MRPS6: variants seen among roughly 807,000 people sequenced by gnomAD.
MRPS6 encodes mitochondrial ribosomal protein S6.
A neutral mutation model predicts 13.1 loss-of-function variants in MRPS6; 6 were observed. The observed-to-expected ratio is 0.46, with a 90% CI of 0.25 to 0.91. MRPS6 has a LOEUF of 0.91. MRPS6 is among the 40% of genes least tolerant of loss of function. The pLI is 0.18. For synonymous variants in MRPS6, 61 were observed against 56.5 expected (o/e 1.08, Z -0.36); for missense variants, 164 against 155.6 (o/e 1.05, Z -0.29).
Position 34,096,672 on chromosome 21 carries a change from C to T in MRPS6, c.45+22927C>T, listed in dbSNP as rs757122598. ...CCGTTTGATACTGGCCTTTGCCTAC[C>T]GTGCCCCAGAATGTGACCAACCTGA... On this transcript the variant is annotated intron_variant, in intron 1 of 2. Coordinates refer to ENST00000399312, the MANE Select transcript of MRPS6 (RefSeq NM_032476.4). This position sits in a 1 kb window ranked among gnomAD's most constrained non-coding sequence, Gnocchi z 5.9. The T allele has an allele frequency of 6.8e-6, 11 of 1,613,962 alleles. No homozygotes were observed. The highest frequency in any genetic ancestry group is 3.3e-5 in the South Asian group (3 of 91,090).
intron 1 of MRPS6, chr21:34,097,324 G>C: frequency 6.2e-7 from 1 of 1,607,328 alleles, no homozygotes; most frequent in Non-Finnish European, 8.5e-7. Flanking sequence ...TGTTCACTTG[G>C]AATTTTCATG....
chr21:34,076,143 G>A (rs965137384), intron 1 of MRPS6, among the ~76,000 whole-genome samples: 4 of 152,172 alleles, frequency 2.6e-5, no homozygotes, highest in Non-Finnish European at 5.9e-5. Context: ...TTTAACAGCG[G>A]ATATGGAAGT....
At chr21:34,100,978 TC>T in intron 1 of MRPS6, 1 of 1,000,210 alleles carries the variant, frequency 1.0e-6, no homozygotes, top group Non-Finnish European at 1.2e-6. Flanking sequence ...CTCATTTTCA[TC>T]AGAGGCATGA....
rs757279687 is a variant in MRPS6 at position 34,125,380 on chromosome 21, C to G, written c.85C>G (p.Leu29Val). ...AATLKRTIEA[L>V]MDRGAIVRDL... ...TACTTTGAAACGTACGATAGAGGCC[C>G]TGATGGACAGAGGAGCAATAGTGAG... Residue 29 changes from leucine to valine, a missense_variant, in exon 2 of 3, where the codon CTG becomes GTG. Coordinates refer to ENST00000399312, the MANE Select transcript of MRPS6 (RefSeq NM_032476.4). The G allele has an allele frequency of 6.2e-7, 1 of 1,613,990 alleles. No homozygotes were observed. Among genetic ancestry groups the G allele is most frequent in the South Asian group, 1.1e-5 (1 of 91,078 alleles).
chr21:34,118,977 G>A (rs971159640), intron 1 of MRPS6, among the ~76,000 whole-genome samples: 23 of 152,250 alleles, frequency 1.5e-4, no homozygotes, highest in Non-Finnish European at 2.8e-4. Flanking sequence ...GGCCTGTAGA[G>A]GTAAGTAATC....
chr21:34,097,204 T>A, intron 1 of MRPS6: 1 of 1,614,068 alleles, frequency 6.2e-7, no homozygotes, highest in African/African-American at 1.3e-5. Context: ...AGTAAGAGCC[T>A]CAGCAAGAGG....
chr21:34,135,128 G>C (rs1408431543), intron 2 of MRPS6, among the ~76,000 whole-genome samples: 1 of 151,996 alleles, frequency 6.6e-6, no homozygotes, highest in African/African-American at 2.4e-5. Flanking sequence ...CCTTTTCATT[G>C]CTGAGTAGTA....
At chr21:34,093,161 TG>T (rs756769091) in intron 1 of MRPS6, among the ~76,000 whole-genome samples, 1 of 151,736 alleles carries the variant, frequency 6.6e-6, no homozygotes, top group Non-Finnish European at 1.5e-5. Flanking sequence ...CTTTTGGGGG[TG>T]GGGAAGGTGG....
chr21:34,102,635 T>C (rs1979298373), intron 1 of MRPS6: 2 of 1,000,086 alleles, frequency 2.0e-6, no homozygotes, highest in Non-Finnish European at 2.4e-6. Flanking sequence ...CTCTTAAATT[T>C]GGTTACCTGG....
intron 1 of MRPS6, chr21:34,103,233 T>C (rs1979325337): frequency 2.0e-6 from 2 of 999,822 alleles, no homozygotes; most frequent in Admixed American, 1.2e-4. Context: ...GTATTGACTC[T>C]GCTAGTTTGC....
chr21:34,111,810 CTCTT>C (rs1334110475), intron 1 of MRPS6, among the ~76,000 whole-genome samples: 1 of 150,870 alleles, frequency 6.6e-6, no homozygotes, highest in Non-Finnish European at 1.5e-5. Context: ...GTTTCTGACT[CTCTT>C]TCCAGCTTTC....
intron 2 of MRPS6, among the ~76,000 whole-genome samples, chr21:34,134,091 T>G (rs977278171): frequency 6.6e-6 from 1 of 152,206 alleles, no homozygotes; most frequent in African/African-American, 2.4e-5. Flanking sequence ...TTGAGGTTGA[T>G]CACACTATTT....
chr21:34,142,686 T>C lies in MRPS6; in HGVS notation c.*86T>C. On this transcript the variant is annotated 3_prime_UTR_variant, in exon 3 of 3. Transcript: ENST00000399312. Reference sequence around the variant, plus strand: ...GAAGGAAGAATTTGCAAGTTTGGCCTTTATATAAGCATGTGTTGCAGGTGC... The same window carrying C: ...GAAGGAAGAATTTGCAAGTTTGGCCCTTATATAAGCATGTGTTGCAGGTGC... 7.1e-7 allele frequency: 1 copy of C among 1,415,836 alleles called. No homozygotes were observed. The highest frequency in any genetic ancestry group is 9.3e-7 in the Non-Finnish European group (1 of 1,080,992). 87.7% of individuals were successfully genotyped at this position (1,415,836 alleles called of 1,614,324 possible). A position where few individuals can be genotyped will look rare whatever the true frequency, so the allele number is the denominator to read the frequency against.
intron 1 of MRPS6, among the ~76,000 whole-genome samples, chr21:34,117,405 A>G (rs1269489282): frequency 6.6e-6 from 1 of 152,154 alleles, no homozygotes; most frequent in Non-Finnish European, 1.5e-5. Context: ...CCAACCAGTT[A>G]GTAGTAGTAA....
chr21:34,105,062 G>T (rs1170262781), intron 1 of MRPS6: 1 of 999,956 alleles, frequency 1.0e-6, no homozygotes, highest in Admixed American at 6.2e-5. Flanking sequence ...AGACTTTTCT[G>T]TGGGGTTATT....
At chr21:34,116,178 T>TTGTGTGTGTGTGTGTGTG (rs57694757) in intron 1 of MRPS6, among the ~76,000 whole-genome samples, 6 of 141,282 alleles carry the variant, frequency 4.2e-5, no homozygotes, top group Admixed American at 7.0e-5. Context: ...CCAGCTAATT[T>TTGTGTGTGTGTGTGTGTG]TGTGTGTGTG....
chr21:34,130,027 T>C (rs1035188633), intron 2 of MRPS6, among the ~76,000 whole-genome samples: 1 of 152,200 alleles, frequency 6.6e-6, no homozygotes, highest in African/African-American at 2.4e-5. Context: ...ACTGAGACGG[T>C]CTAGGAACTG....
intron 2 of MRPS6, chr21:34,135,783 A>G (rs929970043): frequency 1.4e-5 from 7 of 502,904 alleles, no homozygotes; most frequent in African/African-American, 8.0e-5. Flanking sequence ...TGATGCGCAC[A>G]GTCATGAGCT....
chr21:34,098,654 CAA>C, intron 1 of MRPS6: 1 of 1,000,242 alleles, frequency 1.0e-6, no homozygotes. Flanking sequence ...AGGTGCCAAA[CAA>C]GAACTTTTGG....
Sources: gnomAD v4.1 joint callset for allele counts (sites outside exome capture counted in the v4.1 genomes callset) on GRCh38, gnomAD v4.1.1 for gene constraint, Gnocchi (gnomAD v3.1) non-coding constraint, MANE v1.5 for transcripts, NCBI Gene and HGNC (gene_info 2026-07-23, HGNC 2026-07-21) for gene names.